The following BACH2 variants were observed in gnomAD, a reference collection of about 807,000 sequenced individuals.
The protein encoded by BACH2 is BACH transcriptional regulator 2.
In BACH2, 5 loss-of-function variants were observed where a neutral mutation model predicts 61.8. The ratio of observed to expected loss-of-function variants is 0.08; its 90% CI spans 0.04 to 0.17. The LOEUF (loss-of-function observed/expected upper bound fraction) is 0.17, where lower values mean the gene tolerates loss of function less well. BACH2 is among the 10% of genes least tolerant of loss of function. The pLI, the probability that BACH2 is intolerant of heterozygous loss-of-function variation, is 1.00. For synonymous variants in BACH2, 446 were observed against 440.1 expected, an observed-to-expected ratio of 1.01 and a Z score of -0.17; for missense variants, 824 against 1,091.1, an observed-to-expected ratio of 0.76 and a Z score of 3.45.
intron 2 of BACH2, among the ~76,000 whole-genome samples, chr6:90,261,048 C>CA (rs1039760984): frequency 2.0e-5 from 3 of 152,208 alleles, no homozygotes; most frequent in African/African-American, 4.8e-5. Context: ...AGAGGGGCAG[C>CA]AGTTGGGCCA....
Position 89,951,251 on chromosome 6 carries a change from C to T in BACH2, c.855G>A (p.Glu285=), listed in dbSNP as rs753448480. 6.2e-7 allele frequency: 1 copy of T among 1,614,178 alleles called. No homozygotes were observed. Among genetic ancestry groups the T allele is most frequent in the South Asian group, 1.1e-5 (1 of 91,084 alleles). ...IKSEPPSEEN[E]EESITLCLSG... The stretch of plus-strand genomic sequence containing the variant: ...ACAGGCAGAGCGTGATGCTCTCTTC[C>T]TCATTCTCTTCACTGGGCGGCTCAC... Residue 285 remains glutamate, a synonymous_variant, in exon 7 of 9, where the codon GAG becomes GAA. Coordinates refer to ENST00000257749, the MANE Select transcript of BACH2 (RefSeq NM_021813.4). This position sits in a 1 kb window ranked among gnomAD's most constrained non-coding sequence, Gnocchi z 6.4.
At chr6:89,944,032 C>T (rs945073155) in intron 7 of BACH2, among the ~76,000 whole-genome samples, 10 of 152,228 alleles carry the variant, frequency 6.6e-5, no homozygotes, top group African/African-American at 2.4e-4. Context: ...AAAATCTCCC[C>T]TCCCAGGTGA....
At chr6:90,019,409 G>C (rs1232433754) in intron 5 of BACH2, among the ~76,000 whole-genome samples, 1 of 152,162 alleles carries the variant, frequency 6.6e-6, no homozygotes, top group Non-Finnish European at 1.5e-5. Flanking sequence ...GGCATGTTTG[G>C]GGCTTTTGGT....
intron 6 of BACH2, among the ~76,000 whole-genome samples, chr6:89,971,710 T>C (rs112717868): frequency 0.066 from 10,052 of 152,164 alleles, 391 homozygotes; most frequent in Non-Finnish European, 0.091. Flanking sequence ...CAAAGGGACA[T>C]CTTACATGGC....
At chr6:90,031,759 C>A (rs1207394857) in intron 5 of BACH2, among the ~76,000 whole-genome samples, 1 of 152,146 alleles carries the variant, frequency 6.6e-6, no homozygotes, top group Non-Finnish European at 1.5e-5. Context: ...GAATCAATAT[C>A]ATGAAAATGG....
chr6:90,205,284 C>T lies in BACH2; in HGVS notation c.-162+1285G>A, dbSNP rs148122299. ...TCTACCACAATCCATACAACAGGCC[C>T]ACAATAACACACCTGTTTTTGTAGG... On this transcript the variant is annotated intron_variant, in intron 4 of 8. Transcript: ENST00000257749. Among the ~76,000 whole-genome samples the T allele has an allele frequency of 6.5e-3, 991 of 152,308 alleles. 6 individuals are homozygous for T. The highest frequency in any genetic ancestry group is 0.011 in the Non-Finnish European group (737 of 68,036).
chr6:90,291,104 G>A (rs181215942), intron 1 of BACH2, among the ~76,000 whole-genome samples: 54 of 152,204 alleles, frequency 3.5e-4, no homozygotes, highest in African/African-American at 1.3e-3. Flanking sequence ...CAGAACCAAA[G>A]GGCAATTCAT....
At chr6:90,279,884 T>C (rs1771807488) in intron 1 of BACH2, among the ~76,000 whole-genome samples, 1 of 152,188 alleles carries the variant, frequency 6.6e-6, no homozygotes, top group Admixed American at 6.5e-5. Flanking sequence ...GGGAAAAGAT[T>C]AAATGAATCA....
intron 5 of BACH2, among the ~76,000 whole-genome samples, chr6:90,086,482 C>G (rs139132147): frequency 6.3e-4 from 96 of 152,208 alleles, no homozygotes; most frequent in Non-Finnish European, 1.1e-3. Flanking sequence ...CACAGTAAAA[C>G]TGACCAGAAA....
chr6:89,953,574 C>T (rs562584599), intron 6 of BACH2, among the ~76,000 whole-genome samples: 1 of 152,264 alleles, frequency 6.6e-6, no homozygotes, highest in Non-Finnish European at 1.5e-5. Context: ...GTGCCTGTTT[C>T]TACCATAAGA....
At position 90,223,382 on chromosome 6, in the gene BACH2, T is replaced by C. The variant is rs373480953; in HGVS notation, c.-274-16701A>G. 3.9e-5 allele frequency among the ~76,000 whole-genome samples: 6 copies of C among 152,326 alleles called. No individual in the cohort carries two copies. The East Asian group carries it at 1.2e-3, about 29-fold the overall frequency. On this transcript the variant is annotated intron_variant, in intron 3 of 8. Coordinates refer to ENST00000257749, the MANE Select transcript of BACH2 (RefSeq NM_021813.4). ...ATATGCAAAGAGGCCTACAAAATGT[T>C]CCATAATGTATAACTTAGAACTGTT...
In BACH2 at chr6:90,290,821, G is replaced by T. The variant is rs1582572160; in HGVS notation, c.-446+5659C>A. Among the ~76,000 whole-genome samples, 4 of 152,290 alleles carry T rather than the reference G, an allele frequency of 2.6e-5. No homozygotes were observed. In the Middle Eastern group the frequency reaches 0.01, roughly 388 times the overall value. The stretch of plus-strand genomic sequence containing the variant: ...AAGATGGCCCAAGACTAGAGTGATG[G>T]AAGACTTGGAAACTCGAAAAGCTTT... On this transcript the variant is annotated intron_variant, in intron 1 of 8. Transcript: ENST00000257749.
At chr6:90,068,429 T>C (rs1009883265) in intron 5 of BACH2, among the ~76,000 whole-genome samples, 5 of 152,172 alleles carry the variant, frequency 3.3e-5, no homozygotes, top group African/African-American at 1.2e-4. Context: ...TTTGCATATG[T>C]CTCTTCTCAT....
chr6:90,169,397 G>C (rs1175588827), intron 4 of BACH2, among the ~76,000 whole-genome samples: 1 of 152,078 alleles, frequency 6.6e-6, no homozygotes, highest in Admixed American at 6.6e-5. Flanking sequence ...CATGAATAAC[G>C]TTCTGCAATA....
At chr6:90,172,894 A>G (rs1767864800) in intron 4 of BACH2, among the ~76,000 whole-genome samples, 1 of 152,106 alleles carries the variant, frequency 6.6e-6, no homozygotes, top group Admixed American at 6.5e-5. Flanking sequence ...AAAAAATAAT[A>G]TAAAACTATA....
chr6:90,284,147 C>A (rs562382836), intron 1 of BACH2, among the ~76,000 whole-genome samples: 1 of 152,282 alleles, frequency 6.6e-6, no homozygotes, highest in African/African-American at 2.4e-5. Context: ...TGGGATAAGA[C>A]CACTGTGATA....
chr6:90,035,447 G>A (rs923145017), intron 5 of BACH2, among the ~76,000 whole-genome samples: 1 of 151,962 alleles, frequency 6.6e-6, no homozygotes, highest in Non-Finnish European at 1.5e-5. Flanking sequence ...CTTTCTTCTC[G>A]CTATTTTTAG....
intron 5 of BACH2, among the ~76,000 whole-genome samples, chr6:90,064,096 TG>T: frequency 6.6e-6 from 1 of 152,264 alleles, no homozygotes; most frequent in African/African-American, 2.4e-5. Context: ...AAAATGAAAA[TG>T]AATAAGATTG....
At chr6:89,957,841 A>G (rs572333492) in intron 6 of BACH2, among the ~76,000 whole-genome samples, 31 of 152,294 alleles carry the variant, frequency 2.0e-4, no homozygotes, top group African/African-American at 7.0e-4. Flanking sequence ...TGCCTGGGCA[A>G]TTTTATTATG....
Sources: gnomAD v4.1 joint callset for allele counts (sites outside exome capture counted in the v4.1 genomes callset) on GRCh38, gnomAD v4.1.1 for gene constraint, Gnocchi (gnomAD v3.1) non-coding constraint, MANE v1.5 for transcripts, NCBI Gene and HGNC (gene_info 2026-07-23, HGNC 2026-07-21) for gene names.